Variants in BABAM2 observed in about 807,000 individuals in gnomAD.
BABAM2 encodes the protein BRISC and BRCA1-A complex member 2.
In BABAM2, 31 loss-of-function variants were observed where a neutral mutation model predicts 54.7. That is an observed-to-expected ratio of 0.57 (90% CI 0.43 to 0.77). BABAM2 has a LOEUF of 0.77. Ranked by LOEUF, BABAM2 falls within the 30% of genes least tolerant of loss-of-function variation. The pLI is 0.00. For missense variants in BABAM2, 364 were observed against 455.8 expected, an observed-to-expected ratio of 0.80 and a Z score of 1.83; for synonymous variants, 167 against 162.9, an observed-to-expected ratio of 1.03 and a Z score of -0.19.
At chr2:28,163,789 G>A (rs1254900624) in intron 7 of BABAM2, among the ~76,000 whole-genome samples, 3 of 152,180 alleles carry the variant, frequency 2.0e-5, no homozygotes, top group Non-Finnish European at 4.4e-5. Flanking sequence ...TTGGACTCAC[G>A]TGGCCCAAGG....
intron 2 of BABAM2, among the ~76,000 whole-genome samples, chr2:27,899,353 T>C (rs1327930396): frequency 6.6e-6 from 1 of 152,196 alleles, no homozygotes; most frequent in East Asian, 1.9e-4. Flanking sequence ...GCATAAAGTC[T>C]TGTTGCTTCT....
chr2:28,241,783 A>G (rs372830652), intron 9 of BABAM2, among the ~76,000 whole-genome samples: 101 of 150,614 alleles, frequency 6.7e-4, no homozygotes, highest in East Asian at 2.4e-3. Context: ...GTGAGCCACC[A>G]CACCCAGCCC....
chr2:28,002,617 A>C (rs1673653114), intron 4 of BABAM2, among the ~76,000 whole-genome samples: 1 of 152,176 alleles, frequency 6.6e-6, no homozygotes, highest in African/African-American at 2.4e-5. Context: ...ACTCCTAGAC[A>C]CATCATGGCA....
At chr2:28,160,974 G>T (rs10165930) in intron 7 of BABAM2, among the ~76,000 whole-genome samples, 1 of 151,890 alleles carries the variant, frequency 6.6e-6, no homozygotes, top group Non-Finnish European at 1.5e-5. Context: ...GGAGACTACC[G>T]CAGAGTTAAA....
chr2:28,175,772 C>A (rs1364238491), intron 7 of BABAM2, among the ~76,000 whole-genome samples: 1 of 152,306 alleles, frequency 6.6e-6, no homozygotes, highest in East Asian at 1.9e-4. Context: ...ACGTGGAAAC[C>A]CAAGAATTGG....
chr2:28,073,081 C>T (rs573749162), intron 6 of BABAM2, among the ~76,000 whole-genome samples: 13 of 152,268 alleles, frequency 8.5e-5, no homozygotes, highest in South Asian at 2.1e-4. Flanking sequence ...CTGGCTCTGC[C>T]GTTTATCAGT....
intron 10 of BABAM2, among the ~76,000 whole-genome samples, chr2:28,269,278 TC>T (rs1685225247): frequency 6.6e-6 from 1 of 152,050 alleles, no homozygotes; most frequent in African/African-American, 2.4e-5. Flanking sequence ...CTCTCTCCCT[TC>T]CCCCTTCTCC....
intron 6 of BABAM2, among the ~76,000 whole-genome samples, chr2:28,126,048 GA>G (rs1162209767): frequency 1.4e-4 from 21 of 152,202 alleles, no homozygotes; most frequent in African/African-American, 4.8e-4. Flanking sequence ...GTGGGGGTGA[GA>G]GAGGGGTGGA....
chr2:28,295,236 C>T lies in BABAM2; in HGVS notation c.935-3102C>T, dbSNP rs114134851. Among the ~76,000 whole-genome samples the T allele has an allele frequency of 7.8e-3, 1,193 of 152,200 alleles. 18 individuals are homozygous for T. Among genetic ancestry groups the T allele is most frequent in the Non-Finnish European group, 0.013 (914 of 67,990 alleles). On this transcript the variant is annotated intron_variant, in intron 10 of 11. Coordinates refer to ENST00000379624, the MANE Select transcript of BABAM2 (RefSeq NM_199191.3). Reference sequence around the variant, plus strand: ...ACGAAAATAGAAGGCATTCCAAAACCCGAAAAAGCCAGTAGCTTGAAAATC... The same window carrying T: ...ACGAAAATAGAAGGCATTCCAAAACTCGAAAAAGCCAGTAGCTTGAAAATC...
At chr2:27,950,391 C>T (rs1167158375) in intron 3 of BABAM2, among the ~76,000 whole-genome samples, 3 of 152,136 alleles carry the variant, frequency 2.0e-5, no homozygotes, top group Non-Finnish European at 4.4e-5. Flanking sequence ...AGATACTTAT[C>T]TTCATCTATT....
intron 7 of BABAM2, among the ~76,000 whole-genome samples, chr2:28,160,738 T>G (rs953375231): frequency 1.3e-5 from 2 of 150,104 alleles, no homozygotes; most frequent in Admixed American, 6.6e-5. Context: ...ATAAATTGTT[T>G]TTTTTTTTTT....
At chr2:28,320,501 G>T (rs1558528657) in intron 11 of BABAM2, among the ~76,000 whole-genome samples, 2 of 152,240 alleles carry the variant, frequency 1.3e-5, no homozygotes, top group Admixed American at 1.3e-4. Flanking sequence ...ATCAGGGCAG[G>T]ACGGGGGCCC....
chr2:28,125,394 A>G (rs1669433151), intron 6 of BABAM2, among the ~76,000 whole-genome samples: 1 of 152,008 alleles, frequency 6.6e-6, no homozygotes, highest in South Asian at 2.1e-4. Context: ...CCCGGGTTCA[A>G]GCAATTCTCC....
intron 4 of BABAM2, chr2:27,996,397 T>C (rs1673146867): frequency 6.5e-6 from 1 of 154,956 alleles, no homozygotes; most frequent in South Asian, 2.0e-4. Context: ...ACTTGGGAGA[T>C]TGGAGTGGCC....
At chr2:27,984,015 A>G (rs2148478262) in intron 3 of BABAM2, among the ~76,000 whole-genome samples, 1 of 138,374 alleles carries the variant, frequency 7.2e-6, no homozygotes, top group Admixed American at 7.7e-5. Context: ...AATCAACCAG[A>G]ATGGATATTC....
chr2:28,179,980 T>C (rs1675442653), intron 7 of BABAM2, among the ~76,000 whole-genome samples: 2 of 152,014 alleles, frequency 1.3e-5, no homozygotes, highest in South Asian at 2.1e-4. Flanking sequence ...TACAAGCAAA[T>C]TGAAAAACAG....
chr2:28,109,484 T>C (rs550544928), intron 6 of BABAM2, among the ~76,000 whole-genome samples: 1 of 152,188 alleles, frequency 6.6e-6, no homozygotes, highest in South Asian at 2.1e-4. Flanking sequence ...CACCGCACCC[T>C]GCCAAGACAC....
At chr2:27,896,908 G>A in intron 2 of BABAM2, 1 of 169,816 alleles carries the variant, frequency 5.9e-6, no homozygotes. Flanking sequence ...TCATATCAGT[G>A]TCTCTGTGGG....
At chr2:28,100,847 G>A (rs952345997) in intron 6 of BABAM2, among the ~76,000 whole-genome samples, 1 of 152,178 alleles carries the variant, frequency 6.6e-6, no homozygotes, top group Non-Finnish European at 1.5e-5. Flanking sequence ...GGCCAGGAGC[G>A]AGTAGGTTCT....
Sources: gnomAD v4.1 joint callset for allele counts (sites outside exome capture counted in the v4.1 genomes callset) on GRCh38, gnomAD v4.1.1 for gene constraint, MANE v1.5 for transcripts, NCBI Gene and HGNC (gene_info 2026-07-23, HGNC 2026-07-21) for gene names.